The following LRRIQ1 variants were observed in gnomAD, a reference collection of about 807,000 sequenced individuals.
LRRIQ1 encodes leucine rich repeats and IQ motif containing 1.
A neutral mutation model predicts 211.9 loss-of-function variants in LRRIQ1; 210 were observed. That is an observed-to-expected ratio of 0.99 (90% CI 0.89 to 1.11). The LOEUF is 1.11. LRRIQ1 is among the 50% of genes most tolerant of loss of function. The pLI is 0.00. For missense variants in LRRIQ1, 2,136 were observed against 1,939.5 expected, an observed-to-expected ratio of 1.10 and a Z score of -1.90; for synonymous variants, 699 against 650.1, an observed-to-expected ratio of 1.08 and a Z score of -1.14.
chr12:85,124,755 A>G lies in LRRIQ1; in HGVS notation c.4007+236A>G, dbSNP rs1454863455. ...TTTAATTTCTAGTAGTATTTAAATG[A>G]GTAAATGTGAGTTTTTTTCTGCCTT... On this transcript the variant is annotated intron_variant, in intron 17 of 26. Transcript: ENST00000393217. The G allele has an allele frequency of 7.6e-6, 3 of 396,894 alleles. No individual in the cohort carries two copies. In the Admixed American group the frequency reaches 1.3e-4, roughly 17 times the overall value. The allele number at this position is 396,894 out of a possible 1,614,324, so 24.6% of individuals were successfully genotyped here. A position where few individuals can be genotyped will look rare whatever the true frequency, so the allele number is the denominator to read the frequency against.
intron 18 of LRRIQ1, among the ~76,000 whole-genome samples, chr12:85,136,362 A>G (rs1206288658): frequency 2.0e-5 from 3 of 151,992 alleles, no homozygotes; most frequent in Non-Finnish European, 4.4e-5. Context: ...CGCTTCAGGT[A>G]TGCTCTATTG....
intron 15 of LRRIQ1, among the ~76,000 whole-genome samples, chr12:85,119,761 TAATG>T (rs974619971): frequency 1.3e-5 from 2 of 152,194 alleles, no homozygotes; most frequent in African/African-American, 4.8e-5. Context: ...TTCAATTTTC[TAATG>T]AATATCATGC....
At chr12:85,218,749 G>A (rs1894268111) in intron 24 of LRRIQ1, among the ~76,000 whole-genome samples, 1 of 152,008 alleles carries the variant, frequency 6.6e-6, no homozygotes, top group Non-Finnish European at 1.5e-5. Context: ...CATGGCTACT[G>A]GGTAGTTCTA....
rs1180890633 is a variant in LRRIQ1 at position 85,253,024 on chromosome 12, TA to T, written c.121+8123del. Among the ~76,000 whole-genome samples, 16 of 151,866 alleles carry T rather than the reference TA, an allele frequency of 1.1e-4. No homozygotes were observed. The East Asian group carries it at 1.7e-3, about 17-fold the overall frequency. On this transcript the variant is annotated intron_variant, in intron 1 of 1. Coordinates refer to the LRRIQ1 transcript ENST00000602731. ...TAGAGCTTAAGTTTATTTTCAAAAA[TA>T]AAAAAAAGTAATGGGATTTCAAAAA...
chr12:85,118,499 G>GTTT (rs71445022), intron 15 of LRRIQ1, among the ~76,000 whole-genome samples: 16,718 of 127,392 alleles, frequency 0.13, 1,333 homozygotes, highest in Non-Finnish European at 0.18. Context: ...GAAAAACTAT[G>GTTT]TTTTTTTTTT....
chr12:85,174,809 G>T (rs1031726007), intron 24 of LRRIQ1, among the ~76,000 whole-genome samples: 2 of 147,920 alleles, frequency 1.4e-5, no homozygotes, highest in Admixed American at 1.4e-4. Flanking sequence ...CCAAAAAAAT[G>T]TTCCAAAACT....
At chr12:85,229,251 A>G (rs1593000095) in intron 24 of LRRIQ1, among the ~76,000 whole-genome samples, 1 of 152,180 alleles carries the variant, frequency 6.6e-6, no homozygotes, top group East Asian at 1.9e-4. Flanking sequence ...TTTTCTAATT[A>G]AAAACTCAAA....
chr12:85,161,697 A>G (rs191740906), intron 24 of LRRIQ1, among the ~76,000 whole-genome samples: 54 of 152,308 alleles, frequency 3.5e-4, no homozygotes, highest in Non-Finnish European at 5.3e-4. Context: ...AGAAATGCCT[A>G]CTGAAGTATG....
chr12:85,132,189 T>G (rs1319317051), intron 18 of LRRIQ1, among the ~76,000 whole-genome samples: 1 of 152,132 alleles, frequency 6.6e-6, no homozygotes, highest in Non-Finnish European at 1.5e-5. Flanking sequence ...CCTTGCCAGC[T>G]TCTTTTCACT....
At chr12:85,187,673 G>A (rs1892286785) in intron 24 of LRRIQ1, among the ~76,000 whole-genome samples, 1 of 151,780 alleles carries the variant, frequency 6.6e-6, no homozygotes, top group South Asian at 2.1e-4. Flanking sequence ...GCTGGGCGTG[G>A]TGGCTCATGC....
chr12:85,101,233 T>C (rs528718640), intron 13 of LRRIQ1, among the ~76,000 whole-genome samples: 1 of 151,968 alleles, frequency 6.6e-6, no homozygotes, highest in South Asian at 2.1e-4. Context: ...ATGCTTTTTT[T>C]CCCAACAAAT....
intron 11 of LRRIQ1, among the ~76,000 whole-genome samples, chr12:85,084,123 A>G (rs537352850): frequency 6.6e-6 from 1 of 152,314 alleles, no homozygotes; most frequent in South Asian, 2.1e-4. Context: ...TGTAGAGAAT[A>G]TAATTGGTTT....
At chr12:85,221,428 C>G (rs1452642870) in intron 24 of LRRIQ1, among the ~76,000 whole-genome samples, 1 of 151,756 alleles carries the variant, frequency 6.6e-6, no homozygotes, top group Non-Finnish European at 1.5e-5. Flanking sequence ...TAATTTTTGC[C>G]CTTGATAATA....
Position 85,124,121 on chromosome 12 carries a change from A to G in LRRIQ1, c.3609A>G (p.Lys1203=). Residue 1203 remains lysine (K), a synonymous_variant, in exon 17 of 27, where the codon AAA becomes AAG. Coordinates refer to ENST00000393217, the MANE Select transcript of LRRIQ1 (RefSeq NM_001079910.2). ...AAAATCTCTGTCATTATTTTAAGAA[A>G]TTGATGATACTTAGTACTGAATACC... ...TAENLCHYFK[K]LMILSTEYRH... is the part of the protein sequence containing the mutation. The G allele has an allele frequency of 1.2e-6, 2 of 1,614,062 alleles. No individual in the cohort carries two copies. The highest frequency in any genetic ancestry group is 1.7e-6 in the Non-Finnish European group (2 of 1,179,948).
rs112877449 is a variant in LRRIQ1 at position 85,204,028 on chromosome 12, G to T, written c.4823-25489G>T. Among the ~76,000 whole-genome samples the T allele has an allele frequency of 2.0e-5, 3 of 152,222 alleles. 1 individual carries two copies. The highest frequency in any genetic ancestry group is 7.2e-5 in the African/African-American group (3 of 41,544). Reference sequence around the variant, plus strand: ...GCCTAGGAGGAAAAAATGGTTTTGTGGGCTGGGCCCAAGGTCCCAATGCTG... The same window carrying T: ...GCCTAGGAGGAAAAAATGGTTTTGTTGGCTGGGCCCAAGGTCCCAATGCTG... On this transcript the variant is annotated intron_variant, in intron 24 of 26. Transcript: ENST00000393217.
chr12:85,201,023 G>T (rs1189438328), intron 24 of LRRIQ1, among the ~76,000 whole-genome samples: 1 of 151,472 alleles, frequency 6.6e-6, no homozygotes, highest in Non-Finnish European at 1.5e-5. Context: ...TATAGACAGG[G>T]TTTCACCATG....
intron 19 of LRRIQ1, among the ~76,000 whole-genome samples, chr12:85,145,983 A>C (rs978010642): frequency 6.6e-6 from 1 of 151,734 alleles, no homozygotes; most frequent in Non-Finnish European, 1.5e-5. Context: ...GGCCACCCTG[A>C]ATAATCTGAC....
Position 85,206,606 on chromosome 12 carries a change from A to T in LRRIQ1, c.4823-22911A>T, listed in dbSNP as rs1330600745. Among the ~76,000 whole-genome samples the T allele has an allele frequency of 2.6e-5, 4 of 152,026 alleles. No individual in the cohort carries two copies. In the South Asian group the frequency reaches 8.3e-4, roughly 31 times the overall value. On this transcript the variant is annotated intron_variant, in intron 24 of 26. Transcript: ENST00000393217. ...GTGAGGGGGTGCTCCTGCATGAGTGATTGCTAGCAAAGTGGCACAGAGGAG... is the reference window on the plus strand; with the variant it reads ...GTGAGGGGGTGCTCCTGCATGAGTGTTTGCTAGCAAAGTGGCACAGAGGAG...
At chr12:85,049,331 C>A (rs1307809159) in intron 6 of LRRIQ1, among the ~76,000 whole-genome samples, 1 of 152,084 alleles carries the variant, frequency 6.6e-6, no homozygotes, top group African/African-American at 2.4e-5. Flanking sequence ...CAAATACAAA[C>A]TTCCTCTTTG....
Sources: gnomAD v4.1 joint callset for allele counts (sites outside exome capture counted in the v4.1 genomes callset) on GRCh38, gnomAD v4.1.1 for gene constraint, MANE v1.5 for transcripts, NCBI Gene and HGNC (gene_info 2026-07-23, HGNC 2026-07-21) for gene names.